The following STX8 variants were observed in gnomAD, a reference collection of about 807,000 sequenced individuals.
STX8 encodes syntaxin 8.
A neutral mutation model predicts 37.5 loss-of-function variants in STX8; 23 were observed. That is an observed-to-expected ratio of 0.61 (90% CI 0.44 to 0.87). The LOEUF is 0.87. Among genes scored for constraint, STX8 ranks in the 40% least tolerant of loss-of-function variants. The pLI, the probability that STX8 is intolerant of heterozygous loss-of-function variation, is 0.00. For missense variants in STX8, 313 were observed against 284.7 expected (o/e 1.10, Z -0.71); for synonymous variants, 115 against 99.1 (o/e 1.16, Z -0.95).
intron 7 of STX8, among the ~76,000 whole-genome samples, chr17:9,257,677 T>G (rs1010605571): frequency 2.6e-5 from 4 of 151,814 alleles, no homozygotes; most frequent in Admixed American, 2.0e-4. Flanking sequence ...ACTACTATTT[T>G]GGTTGTCTTG....
chr17:9,327,193 GGAAGAAGGAA>G (rs1909786610), intron 7 of STX8, among the ~76,000 whole-genome samples: 1 of 142,682 alleles, frequency 7.0e-6, no homozygotes, highest in Non-Finnish European at 1.5e-5. Context: ...GGAAGAAGAA[GGAAGAAGGAA>G]GAAGGAGGAA....
intron 6 of STX8, among the ~76,000 whole-genome samples, chr17:9,426,969 G>C (rs1436382474): frequency 2.0e-5 from 3 of 151,970 alleles, no homozygotes; most frequent in Non-Finnish European, 4.4e-5. Context: ...TAGAAAGATA[G>C]TCTGAAATTC....
intron 4 of STX8, among the ~76,000 whole-genome samples, chr17:9,517,142 G>C (rs1020889975): frequency 6.6e-6 from 1 of 152,042 alleles, no homozygotes; most frequent in Admixed American, 6.6e-5. Context: ...AATAACATCT[G>C]TCTCTGTCAC....
intron 4 of STX8, among the ~76,000 whole-genome samples, chr17:9,532,885 A>G (rs138982408): frequency 6.4e-4 from 98 of 152,318 alleles, no homozygotes; most frequent in African/African-American, 2.2e-3. Context: ...TCTTCAATAT[A>G]TACTGTGAAG....
At position 9,250,626 on chromosome 17, in the gene STX8, TA is replaced by T; in HGVS notation, c.662del (p.Leu221TyrfsTer30). ...CAACCACGATAGCCACAAGCAGCAG[TA>T]AAATCACCATGATCATCCCTGGAAA... ...SASCGMIMVI[L>X]LLLVAIVVVA... On this transcript the variant is annotated frameshift_variant, in exon 8 of 8. Transcript: ENST00000306357. LOFTEE classifies it high-confidence loss of function. 1 of 1,599,848 alleles carries T rather than the reference TA, an allele frequency of 6.3e-7. No homozygotes were observed. The highest frequency in any genetic ancestry group is 8.5e-7 in the Non-Finnish European group (1 of 1,173,348).
chr17:9,571,168 A>C lies in STX8; in HGVS notation c.18-2698T>G, dbSNP rs547804227. 1.6e-4 allele frequency among the ~76,000 whole-genome samples: 24 copies of C among 152,316 alleles called. No homozygotes were observed. In the South Asian group the frequency reaches 5.0e-3, roughly 32 times the overall value. ...TAAAGAGGTTATGAGAAATGCACAC[A>C]GCTAGCACAAACTCCCAGGTGTCCT... is the stretch of plus-strand genomic sequence containing the variant. On this transcript the variant is annotated intron_variant, in intron 1 of 7. Transcript: ENST00000306357.
intron 7 of STX8, among the ~76,000 whole-genome samples, chr17:9,254,124 AG>A (rs1486469565): frequency 6.6e-6 from 1 of 152,120 alleles, no homozygotes; most frequent in Non-Finnish European, 1.5e-5. Flanking sequence ...ACAGTGGCCA[AG>A]GGGGTCTTGC....
At chr17:9,556,809 A>G (rs1311414356) in intron 3 of STX8, 2 of 139,900 alleles carry the variant, frequency 1.4e-5, no homozygotes, top group Non-Finnish European at 3.0e-5. Flanking sequence ...ATACATATAT[A>G]TATATATATA....
intron 6 of STX8, among the ~76,000 whole-genome samples, chr17:9,407,268 T>A (rs1912833936): frequency 6.6e-6 from 1 of 151,848 alleles, no homozygotes; most frequent in African/African-American, 2.4e-5. Flanking sequence ...TCTCAAGTGA[T>A]CCCCCCTGCC....
At position 9,295,383 on chromosome 17, in the gene STX8, T is replaced by TA. The variant is rs142916488; in HGVS notation, c.644-44739dup. Among the ~76,000 whole-genome samples, 288 of 152,356 alleles carry TA rather than the reference T, an allele frequency of 1.9e-3. 1 individual carries two copies. In the East Asian group the frequency reaches 0.034, roughly 18 times the overall value. On this transcript the variant is annotated intron_variant, in intron 7 of 7. Transcript: ENST00000306357. ...CTTTATAGTCCTGGTCCCTAGCATG[T>TA]AGCAGACATTCAATAATTGTTTATA...
chr17:9,388,672 G>A (rs1183016188), intron 6 of STX8, among the ~76,000 whole-genome samples: 3 of 151,768 alleles, frequency 2.0e-5, no homozygotes. Flanking sequence ...GTGTGGTGGT[G>A]CATGCCTGTA....
intron 2 of STX8, 83 bp from the exon 3 acceptor site, chr17:9,557,611 G>A (rs1907031933): frequency 3.4e-6 from 4 of 1,183,078 alleles, no homozygotes; most frequent in Admixed American, 1.8e-5. Flanking sequence ...ACTACTTCAC[G>A]GGCTATGATG....
chr17:9,488,241 G>A (rs570017734), intron 6 of STX8, among the ~76,000 whole-genome samples: 34 of 151,804 alleles, frequency 2.2e-4, no homozygotes, highest in African/African-American at 7.5e-4. Flanking sequence ...CAGGAGAATC[G>A]CTTGAACCCG....
rs988323579 is a variant in STX8 at position 9,504,798 on chromosome 17, C to T, written c.448+240G>A. On this transcript the variant is annotated intron_variant, in intron 5 of 7. Transcript: ENST00000306357. The stretch of plus-strand genomic sequence containing the variant: ...GACCATCCTGGCTAACAGGGTGAAA[C>T]CCTGTCTGTACTAAAAATACAAAAA... Among the ~76,000 whole-genome samples the T allele has an allele frequency of 2.0e-5, 3 of 151,520 alleles. No homozygotes were observed. In the East Asian group the frequency reaches 5.8e-4, roughly 29 times the overall value.
At chr17:9,487,385 AAT>A (rs1906644801) in intron 6 of STX8, among the ~76,000 whole-genome samples, 1 of 152,116 alleles carries the variant, frequency 6.6e-6, no homozygotes, top group South Asian at 2.1e-4. Context: ...CTCAGATCAC[AAT>A]AAAAATCCAG....
chr17:9,458,148 G>T (rs117260302), intron 6 of STX8, among the ~76,000 whole-genome samples: 262 of 152,208 alleles, frequency 1.7e-3, no homozygotes, highest in Non-Finnish European at 3.1e-3. Flanking sequence ...AAATATGCTG[G>T]CTTTTAATTT....
chr17:9,575,176 T>C (rs1597753917), intron 1 of STX8, among the ~76,000 whole-genome samples: 1 of 152,348 alleles, frequency 6.6e-6, no homozygotes, highest in Non-Finnish European at 1.5e-5. Flanking sequence ...ATCACCCTTA[T>C]CAGCTATTGT....
intron 6 of STX8, among the ~76,000 whole-genome samples, chr17:9,466,359 C>A (rs12601938): frequency 0.29 from 44,371 of 151,992 alleles, 7,270 homozygotes; most frequent in East Asian, 0.71. Flanking sequence ...ACATTAAAAC[C>A]TAATAGGTAT....
chr17:9,289,921 AAAC>A (rs748766085), intron 7 of STX8, among the ~76,000 whole-genome samples: 9 of 152,364 alleles, frequency 5.9e-5, no homozygotes, highest in Non-Finnish European at 1.2e-4. Flanking sequence ...GTCAAAATGA[AAAC>A]AATGAGTGAT....
Sources: gnomAD v4.1 joint callset for allele counts (sites outside exome capture counted in the v4.1 genomes callset) on GRCh38, gnomAD v4.1.1 for gene constraint, MANE v1.5 for transcripts, NCBI Gene and HGNC (gene_info 2026-07-23, HGNC 2026-07-21) for gene names.